The following PRKN variants were observed in gnomAD, a reference collection of about 807,000 sequenced individuals.
The protein encoded by PRKN is E3 ubiquitin-protein ligase parkin.
PRKN carries 56 observed loss-of-function variants against 59.5 expected under a neutral mutation model. The observed-to-expected ratio is 0.94, with a 90% confidence interval of 0.76 to 1.18. PRKN has a LOEUF of 1.18. Ranked by LOEUF, PRKN falls within the 50% of genes most tolerant of loss-of-function variation. PRKN has a pLI of 0.00. For synonymous variants in PRKN, 250 were observed against 222.1 expected (o/e 1.13, Z -1.12); for missense variants, 657 against 596.4 (o/e 1.10, Z -1.06).
intron 1 of PRKN, among the ~76,000 whole-genome samples, chr6:162,650,459 G>A (rs558102644): frequency 1.3e-5 from 2 of 151,140 alleles, no homozygotes; most frequent in African/African-American, 2.4e-5. Context: ...TTAGCCGGGC[G>A]TAGTGGCGGG....
chr6:161,975,837 C>T (rs909765750), intron 5 of PRKN, among the ~76,000 whole-genome samples: 1 of 152,146 alleles, frequency 6.6e-6, no homozygotes, highest in Non-Finnish European at 1.5e-5. Context: ...TGTGGCAGGT[C>T]GCTTACCGTG....
intron 4 of PRKN, among the ~76,000 whole-genome samples, chr6:162,110,068 T>C (rs1780357651): frequency 6.6e-6 from 1 of 152,238 alleles, no homozygotes; most frequent in Admixed American, 6.5e-5. Context: ...GTTTAAGTTT[T>C]AGTCAATTTC....
chr6:162,439,695 C>T (rs1255294474), intron 2 of PRKN, among the ~76,000 whole-genome samples: 2 of 75,020 alleles, frequency 2.7e-5, no homozygotes, highest in South Asian at 3.3e-4. Flanking sequence ...TCCTCTTCCT[C>T]TTTAGCCTAC....
At chr6:162,438,168 A>C (rs1789873356) in intron 2 of PRKN, among the ~76,000 whole-genome samples, 1 of 152,132 alleles carries the variant, frequency 6.6e-6, no homozygotes. Context: ...TTAACTTGTC[A>C]TGCTCTACTG....
At chr6:161,960,478 T>A (rs1780340816) in intron 6 of PRKN, among the ~76,000 whole-genome samples, 1 of 152,182 alleles carries the variant, frequency 6.6e-6, no homozygotes, top group Non-Finnish European at 1.5e-5. Context: ...AATTTAAGAA[T>A]TCAGGGGATG....
chr6:161,757,824 C>T (rs1788992521), intron 7 of PRKN, among the ~76,000 whole-genome samples: 1 of 56,620 alleles, frequency 1.8e-5, no homozygotes, highest in Non-Finnish European at 3.8e-5. Flanking sequence ...GGCAATAGAG[C>T]AAAACTCCAT....
chr6:161,630,309 A>G (rs886821656), intron 7 of PRKN, among the ~76,000 whole-genome samples: 1 of 152,144 alleles, frequency 6.6e-6, no homozygotes, highest in Non-Finnish European at 1.5e-5. Context: ...GTGGCCAATC[A>G]GCGCAACTCT....
chr6:161,504,686 C>T (rs1428379222), intron 9 of PRKN, among the ~76,000 whole-genome samples: 17 of 129,578 alleles, frequency 1.3e-4, no homozygotes, highest in Non-Finnish European at 2.1e-4. Context: ...CCCCCCACCC[C>T]ACAACAGTCC....
intron 7 of PRKN, among the ~76,000 whole-genome samples, chr6:161,779,424 C>CTTTTTTTTT (rs1790096656): frequency 1.6e-5 from 1 of 63,116 alleles, no homozygotes; most frequent in Non-Finnish European, 3.5e-5. Flanking sequence ...TTTTTTTTCT[C>CTTTTTTTTT]TTTTTCTTTT....
In PRKN at chr6:161,479,681, A is replaced by G. The variant is rs1791295087; in HGVS notation, c.1083+69173T>C. ...ATAAGAAAATTAAGGGCTTCTTTTA[A>G]AAGGTAAGTGATTTTACTTTTGAGC... On this transcript the variant is annotated intron_variant, in intron 9 of 11. Coordinates refer to ENST00000366898, the MANE Select transcript of PRKN (RefSeq NM_004562.3). Among the ~76,000 whole-genome samples the G allele has an allele frequency of 2.0e-5, 3 of 152,214 alleles. No individual in the cohort carries two copies. In the South Asian group the frequency reaches 6.2e-4, roughly 32 times the overall value.
chr6:162,112,695 C>T (rs1780493026), intron 4 of PRKN, among the ~76,000 whole-genome samples: 1 of 151,880 alleles, frequency 6.6e-6, no homozygotes, highest in African/African-American at 2.4e-5. Context: ...ACAGGAGGAT[C>T]ACTTGAGCTA....
At chr6:162,703,700 CCA>C (rs778276630) in intron 1 of PRKN, among the ~76,000 whole-genome samples, 62 of 152,228 alleles carry the variant, frequency 4.1e-4, no homozygotes, top group African/African-American at 1.1e-3. Flanking sequence ...GGTTCCTGTC[CCA>C]CAGTCACAGA....
intron 1 of PRKN, among the ~76,000 whole-genome samples, chr6:162,680,890 T>TC (rs1584037962): frequency 6.6e-6 from 1 of 152,160 alleles, no homozygotes; most frequent in African/African-American, 2.4e-5. Flanking sequence ...TTCCGAATTG[T>TC]CCTTATTATT....
intron 7 of PRKN, among the ~76,000 whole-genome samples, chr6:161,628,483 C>T (rs919994628): frequency 6.6e-6 from 1 of 152,162 alleles, no homozygotes; most frequent in African/African-American, 2.4e-5. Flanking sequence ...AATCACTTCC[C>T]AAAAGTCCCA....
chr6:162,459,010 G>A (rs1029051847), intron 1 of PRKN, among the ~76,000 whole-genome samples: 8 of 151,996 alleles, frequency 5.3e-5, no homozygotes, highest in African/African-American at 1.2e-4. Context: ...TAGTACAGAC[G>A]GGATTCGCCT....
intron 4 of PRKN, among the ~76,000 whole-genome samples, chr6:162,152,285 AT>A (rs1782306137): frequency 6.6e-6 from 1 of 152,158 alleles, no homozygotes; most frequent in South Asian, 2.1e-4. Flanking sequence ...TGTCTCCCAA[AT>A]TTTCCAAATC....
intron 1 of PRKN, among the ~76,000 whole-genome samples, chr6:162,667,769 G>C (rs1229775335): frequency 6.6e-6 from 1 of 152,090 alleles, no homozygotes; most frequent in African/African-American, 2.4e-5. Context: ...ACTTAGAGCT[G>C]AGTAAAAATA....
At position 161,349,694 on chromosome 6, in the gene PRKN, A is replaced by ACT; in HGVS notation, c.*403_*404dup. 1 of 347,596 alleles carries ACT rather than the reference A, an allele frequency of 2.9e-6. No homozygotes were observed. Among genetic ancestry groups the ACT allele is most frequent in the South Asian group, 4.2e-5 (1 of 23,698 alleles). The allele number at this position is 347,596 out of a possible 1,614,324, so 21.5% of individuals were successfully genotyped here. The stretch of plus-strand genomic sequence containing the variant: ...AAAAGGCAGGATATTAAATGTGAGA[A>ACT]CTCTCTCTCCAGCTACTGATTCTGC... On this transcript the variant is annotated 3_prime_UTR_variant, in exon 12 of 12. Coordinates refer to ENST00000366898, the MANE Select transcript of PRKN (RefSeq NM_004562.3). The surrounding 1 kb of genome is among the most constrained non-coding windows in gnomAD (Gnocchi z 5.5).
chr6:161,563,474 T>C (rs573110690), intron 8 of PRKN, among the ~76,000 whole-genome samples: 45 of 152,294 alleles, frequency 3.0e-4, no homozygotes, highest in Admixed American at 8.5e-4. Context: ...CACCTGGAAC[T>C]GCAGAGTGAC....
Sources: gnomAD v4.1 joint callset for allele counts (sites outside exome capture counted in the v4.1 genomes callset) on GRCh38, gnomAD v4.1.1 for gene constraint, Gnocchi (gnomAD v3.1) non-coding constraint, MANE v1.5 for transcripts, NCBI Gene and HGNC (gene_info 2026-07-23, HGNC 2026-07-21) for gene names.